The following GRAMD2B variants were observed in gnomAD, a reference collection of about 807,000 sequenced individuals.
GRAMD2B encodes GRAM domain containing 2B, also known as GRAM domain-containing protein 2B.
In GRAMD2B, 41 loss-of-function variants were observed where a neutral mutation model predicts 59.2. That is an observed-to-expected ratio of 0.69 (90% confidence interval 0.54 to 0.90). GRAMD2B has a LOEUF of 0.90. GRAMD2B is among the 40% of genes least tolerant of loss of function. The pLI, the probability that GRAMD2B is intolerant of heterozygous loss-of-function variation, is 0.00. For synonymous variants in GRAMD2B, 161 were observed against 182.7 expected, an observed-to-expected ratio of 0.88 and a Z score of 0.96; for missense variants, 424 against 500.5, an observed-to-expected ratio of 0.85 and a Z score of 1.46.
chr5:126,420,054 CAAA>C (rs386404926), upstream of GRAMD2B, among the ~76,000 whole-genome samples: 3 of 103,704 alleles, frequency 2.9e-5, no homozygotes, highest in East Asian at 2.7e-4. Context: ...GACTCTTTCT[CAAA>C]AAAAAAAAAA....
chr5:126,447,517 A>C lies in GRAMD2B; in HGVS notation c.84-17909A>C, dbSNP rs1262168211. The stretch of plus-strand genomic sequence containing the variant: ...CTCTACTAAAAAAATACAAAAAATT[A>C]GCCGGGCGTGGTGGCGGGCGCCTGT... On this transcript the variant is annotated intron_variant, in intron 1 of 13. Coordinates refer to ENST00000285689, the MANE Select transcript of GRAMD2B (RefSeq NM_023927.4). Among the ~76,000 whole-genome samples, 4 of 152,170 alleles carry C rather than the reference A, an allele frequency of 2.6e-5. No homozygotes were observed. The East Asian group carries it at 7.8e-4, about 30-fold the overall frequency.
At chr5:126,427,999 G>A (rs376674910) in intron 1 of GRAMD2B, among the ~76,000 whole-genome samples, 2 of 152,200 alleles carry the variant, frequency 1.3e-5, no homozygotes, top group South Asian at 2.1e-4. Flanking sequence ...TTGGGAGGCC[G>A]AGGCAGGTGG....
chr5:126,480,554 T>A (rs772231697), intron 7 of GRAMD2B, 27 bp downstream of exon 7: 2 of 1,607,166 alleles, frequency 1.2e-6, no homozygotes, highest in South Asian at 1.1e-5. Flanking sequence ...TGAGCCTCAA[T>A]TACTGTCTCT....
intron 1 of GRAMD2B, among the ~76,000 whole-genome samples, chr5:126,433,196 C>T (rs1293458463): frequency 1.3e-5 from 2 of 152,186 alleles, no homozygotes; most frequent in African/African-American, 4.8e-5. Flanking sequence ...TCATTAGACA[C>T]TATTCAAAGC....
chr5:126,380,736 G>C (rs760689972), intron 1 of GRAMD2B, among the ~76,000 whole-genome samples: 4 of 152,118 alleles, frequency 2.6e-5, no homozygotes, highest in Admixed American at 1.3e-4. Context: ...CTACTGATTT[G>C]TGTACATTAA....
chr5:126,469,633 A>G (rs746035204), intron 2 of GRAMD2B, 44 bp from the exon 3 acceptor site: 2 of 1,275,620 alleles, frequency 1.6e-6, no homozygotes, highest in South Asian at 2.6e-5. Context: ...AAACTGTCTC[A>G]AAAAAAAATT....
At chr5:126,451,282 T>C (rs994120624) in intron 1 of GRAMD2B, among the ~76,000 whole-genome samples, 4 of 152,252 alleles carry the variant, frequency 2.6e-5, no homozygotes, top group African/African-American at 9.6e-5. Context: ...CCATTTGCAT[T>C]GCTATAAAAG....
intron 1 of GRAMD2B, among the ~76,000 whole-genome samples, chr5:126,374,124 T>C (rs370556574): frequency 9.9e-5 from 15 of 152,264 alleles, no homozygotes; most frequent in Non-Finnish European, 2.1e-4. Flanking sequence ...ATGTTCATCA[T>C]AGATTATGAA....
At chr5:126,432,110 G>C (rs573481819) in intron 1 of GRAMD2B, among the ~76,000 whole-genome samples, 6 of 151,564 alleles carry the variant, frequency 4.0e-5, no homozygotes, top group Non-Finnish European at 7.4e-5. Context: ...CTTATTTTTT[G>C]TTGAGACAGG....
At chr5:126,488,114 G>A (rs1581284476) in intron 12 of GRAMD2B, among the ~76,000 whole-genome samples, 1 of 152,054 alleles carries the variant, frequency 6.6e-6, no homozygotes, top group Non-Finnish European at 1.5e-5. Flanking sequence ...ATGTATGCAG[G>A]CATACAGGTT....
chr5:126,374,439 G>A (rs1449229390), intron 1 of GRAMD2B, among the ~76,000 whole-genome samples: 1 of 152,058 alleles, frequency 6.6e-6, no homozygotes, highest in Non-Finnish European at 1.5e-5. Flanking sequence ...TTTTGAGATA[G>A]TTTTTTAAAA....
intron 4 of GRAMD2B, 82 bp downstream of exon 4, chr5:126,472,386 C>T (rs1283768765): frequency 2.8e-6 from 3 of 1,054,790 alleles, no homozygotes; most frequent in Non-Finnish European, 4.4e-6. Flanking sequence ...AGGGCATAGT[C>T]CATGGACTGA....
intron 8 of GRAMD2B, 164 bp downstream of exon 8, chr5:126,480,871 T>C (rs1771601104): frequency 1.3e-5 from 8 of 620,380 alleles, no homozygotes; most frequent in Non-Finnish European, 2.3e-5. Context: ...GAGGAAACCA[T>C]AGTAGCCATA....
intron 2 of GRAMD2B, among the ~76,000 whole-genome samples, chr5:126,468,330 T>C (rs1768857617): frequency 6.6e-6 from 1 of 152,174 alleles, no homozygotes; most frequent in Non-Finnish European, 1.5e-5. Flanking sequence ...TGTTTTGTGG[T>C]TTCATTTTTT....
chr5:126,426,632 A>G (rs1580911163), intron 1 of GRAMD2B, among the ~76,000 whole-genome samples: 1 of 152,238 alleles, frequency 6.6e-6, no homozygotes, highest in Non-Finnish European at 1.5e-5. Context: ...CCCAACCAAC[A>G]GTCACTTTCA....
intron 1 of GRAMD2B, among the ~76,000 whole-genome samples, chr5:126,417,100 A>C (rs1356121414): frequency 1.3e-5 from 2 of 152,192 alleles, no homozygotes; most frequent in African/African-American, 4.8e-5. Context: ...AGAGGGCCTA[A>C]TCTATTATCT....
intron 1 of GRAMD2B, among the ~76,000 whole-genome samples, chr5:126,446,237 CA>C (rs1219047393): frequency 6.6e-6 from 1 of 152,082 alleles, no homozygotes; most frequent in African/African-American, 2.4e-5. Context: ...GCAATAGTTA[CA>C]GATGAAAAGA....
At chr5:126,472,749 G>A (rs781660257) in intron 4 of GRAMD2B, among the ~76,000 whole-genome samples, 2 of 152,130 alleles carry the variant, frequency 1.3e-5, no homozygotes, top group Non-Finnish European at 2.9e-5. Context: ...AGTTAAGCAC[G>A]CCTACTAGAC....
chr5:126,392,613 C>G (rs890007005), intron 1 of GRAMD2B, among the ~76,000 whole-genome samples: 1 of 151,948 alleles, frequency 6.6e-6, no homozygotes, highest in Non-Finnish European at 1.5e-5. Context: ...GGTCCGCAAC[C>G]TTTTTGGCAC....
Sources: allele counts gnomAD v4.1 joint callset (sites outside exome capture counted in the v4.1 genomes callset), GRCh38; gene constraint gnomAD v4.1.1; transcripts MANE v1.5; gene names NCBI Gene and HGNC (gene_info 2026-07-23, HGNC 2026-07-21).